Variants in SLC6A11 observed in about 807,000 individuals in gnomAD.
SLC6A11 encodes the protein solute carrier family 6 member 11.
Under a neutral mutation model 74.8 loss-of-function variants are expected in SLC6A11, and 25 were observed. The observed-to-expected ratio is 0.33, with a 90% CI of 0.24 to 0.47. SLC6A11 has a LOEUF of 0.47. SLC6A11 is among the 20% of genes least tolerant of loss of function. SLC6A11 has a pLI of 1.00. For missense variants in SLC6A11, 574 were observed against 837.0 expected, an observed-to-expected ratio of 0.69 and a Z score of 3.88; for synonymous variants, 330 against 330.2, an observed-to-expected ratio of 1.00 and a Z score of 0.01.
chr3:10,848,082 T>C (rs922845984), intron 5 of SLC6A11, among the ~76,000 whole-genome samples: 21 of 152,296 alleles, frequency 1.4e-4, no homozygotes, highest in African/African-American at 5.1e-4. Context: ...TAATAAATGT[T>C]CGTTAATTCA....
chr3:10,847,324 T>A (rs187913085), intron 5 of SLC6A11, among the ~76,000 whole-genome samples: 2 of 152,314 alleles, frequency 1.3e-5, no homozygotes, highest in East Asian at 3.9e-4. Flanking sequence ...AGGTATTTAA[T>A]GAGATAGCAC....
chr3:10,869,353 G>C (rs1319172657), intron 5 of SLC6A11, among the ~76,000 whole-genome samples: 2 of 152,200 alleles, frequency 1.3e-5, no homozygotes, highest in Non-Finnish European at 2.9e-5. Context: ...GGCTTCTGTA[G>C]CGAGACAGAC....
At chr3:10,938,149 C>T (rs1695780075) in intron 13 of SLC6A11, 101 bp from the exon 14 acceptor site, 1 of 1,190,456 alleles carries the variant, frequency 8.4e-7, no homozygotes, top group Middle Eastern at 2.9e-4. Context: ...TGAGAATTCT[C>T]CAGCACCCAG....
intron 5 of SLC6A11, among the ~76,000 whole-genome samples, chr3:10,852,334 GCACTTCTCACAC>G (rs1300782789): frequency 6.6e-6 from 1 of 152,260 alleles, no homozygotes; most frequent in Non-Finnish European, 1.5e-5. Context: ...GCCGTTGGGA[GCACTTCTCACAC>G]CACTGTGGTT....
At chr3:10,854,434 C>A (rs1694614046) in intron 5 of SLC6A11, among the ~76,000 whole-genome samples, 1 of 152,190 alleles carries the variant, frequency 6.6e-6, no homozygotes, top group South Asian at 2.1e-4. Flanking sequence ...ATTGTCTCCT[C>A]CAATCCCACC....
chr3:10,906,915 T>A (rs1695309861), intron 6 of SLC6A11, among the ~76,000 whole-genome samples: 1 of 152,208 alleles, frequency 6.6e-6, no homozygotes, highest in African/African-American at 2.4e-5. Context: ...TGGACCACTC[T>A]CATTCCTCTA....
chr3:10,900,891 G>C (rs1695231944), intron 6 of SLC6A11, among the ~76,000 whole-genome samples: 1 of 152,114 alleles, frequency 6.6e-6, no homozygotes, highest in South Asian at 2.1e-4. Context: ...GTGGCTCCTA[G>C]CCAGGACTAG....
rs111757141 is a variant in SLC6A11, at chr3:10,828,561, C to T, written c.623+5169C>T. Among the ~76,000 whole-genome samples the T allele has an allele frequency of 3.3e-5, 5 of 152,334 alleles. 1 individual carries two copies. The highest frequency in any genetic ancestry group is 1.2e-4 in the African/African-American group (5 of 41,574). ...ATCTTCCCCTCTGCACATTACCCTC[C>T]TCCACACTGGCCTTCTTTCTGTTCT... On this transcript the variant is annotated intron_variant, in intron 4 of 13. Coordinates refer to ENST00000254488, the MANE Select transcript of SLC6A11 (RefSeq NM_014229.3).
intron 5 of SLC6A11, among the ~76,000 whole-genome samples, chr3:10,866,848 G>A (rs942539922): frequency 1.3e-5 from 2 of 152,194 alleles, no homozygotes; most frequent in Admixed American, 6.5e-5. Flanking sequence ...GAGGCCACAT[G>A]TGTCCAGGGT....
intron 6 of SLC6A11, among the ~76,000 whole-genome samples, chr3:10,905,868 A>G (rs1297263720): frequency 6.6e-6 from 1 of 152,232 alleles, no homozygotes; most frequent in South Asian, 2.1e-4. Context: ...GCTGATCTCA[A>G]CATTGGTTTT....
intron 5 of SLC6A11, among the ~76,000 whole-genome samples, chr3:10,856,211 T>C (rs1694636924): frequency 6.6e-6 from 1 of 152,224 alleles, no homozygotes; most frequent in Non-Finnish European, 1.5e-5. Context: ...AAAGGATTGA[T>C]AGAAATTGTG....
Position 10,913,760 on chromosome 3 carries a change from C to T in SLC6A11, c.995+1567C>T, listed in dbSNP as rs368558962. On this transcript the variant is annotated intron_variant, in intron 7 of 13. Coordinates refer to ENST00000254488, the MANE Select transcript of SLC6A11 (RefSeq NM_014229.3). ...CCAGGCTGGACTGCAGTGGCACGAT[C>T]TCGGCTCACTACAAGCTCTGCCTCC... Among the ~76,000 whole-genome samples, 746 of 152,334 alleles carry T rather than the reference C, an allele frequency of 4.9e-3. 3 individuals carry two copies. Among genetic ancestry groups the T allele is most frequent in the African/African-American group, 0.017 (711 of 41,588 alleles).
Position 10,918,592 on chromosome 3 carries a change from C to G in SLC6A11, c.1120+139C>G. Reference sequence around the variant, plus strand: ...AGAAAGGGGCCCCACCATTCATCCACAATCCAGGATCCTGGGAATTACCTA... The same window carrying G: ...AGAAAGGGGCCCCACCATTCATCCAGAATCCAGGATCCTGGGAATTACCTA... On this transcript the variant is annotated intron_variant, in intron 8 of 13. Coordinates refer to ENST00000254488, the MANE Select transcript of SLC6A11 (RefSeq NM_014229.3). The surrounding 1 kb of genome is among the most constrained non-coding windows in gnomAD (Gnocchi z 4.5). 1.1e-6 allele frequency: 1 copy of G among 896,102 alleles called. No individual in the cohort carries two copies. Among genetic ancestry groups the G allele is most frequent in the East Asian group, 3.2e-5 (1 of 31,060 alleles). 55.5% of individuals were successfully genotyped at this position (896,102 alleles called of 1,614,324 possible). A position where few individuals can be genotyped will look rare whatever the true frequency, so the allele number is the denominator to read the frequency against.
chr3:10,874,201 A>G (rs1210864462), intron 5 of SLC6A11, among the ~76,000 whole-genome samples: 1 of 152,246 alleles, frequency 6.6e-6, no homozygotes, highest in East Asian at 1.9e-4. Context: ...AAAGAATACA[A>G]TAGAAAATAT....
At position 10,918,750 on chromosome 3, in the gene SLC6A11, AC is replaced by A. The variant is rs1224360928; in HGVS notation, c.1120+299del. Among the ~76,000 whole-genome samples the A allele has an allele frequency of 2.0e-5, 3 of 151,744 alleles. No homozygotes were observed. The East Asian group carries it at 5.8e-4, about 29-fold the overall frequency. ...CTAGCCCGGACCACCATCACTGCTCACCTGGATGGCTCAGAAACCTTTCCCT... is the reference window on the plus strand; with the variant it reads ...CTAGCCCGGACCACCATCACTGCTCACTGGATGGCTCAGAAACCTTTCCCT... On this transcript the variant is annotated intron_variant, in intron 8 of 13. Coordinates refer to ENST00000254488, the MANE Select transcript of SLC6A11 (RefSeq NM_014229.3). The surrounding 1 kb of genome is among the most constrained non-coding windows in gnomAD (Gnocchi z 4.5).
chr3:10,879,318 C>T (rs1441666311), intron 6 of SLC6A11, among the ~76,000 whole-genome samples: 2 of 152,114 alleles, frequency 1.3e-5, no homozygotes, highest in Non-Finnish European at 2.9e-5. Context: ...AGGATCGCGA[C>T]CCCAAGAGGG....
intron 5 of SLC6A11, among the ~76,000 whole-genome samples, chr3:10,854,954 T>C (rs1205346314): frequency 6.6e-6 from 1 of 151,784 alleles, no homozygotes; most frequent in Non-Finnish European, 1.5e-5. Flanking sequence ...CGTGAGTAGA[T>C]GTATGGATGG....
In SLC6A11 at chr3:10,938,134, T is replaced by C. The variant is rs923911565; in HGVS notation, c.1747-116T>C. The C allele has an allele frequency of 4.2e-5, 42 of 1,009,428 alleles. No homozygotes were observed. In the Admixed American group the frequency reaches 5.0e-4, roughly 12 times the overall value. 62.5% of individuals were successfully genotyped at this position (1,009,428 alleles called of 1,614,324 possible). A position where few individuals can be genotyped will look rare whatever the true frequency, so the allele number is the denominator to read the frequency against. Reference sequence around the variant, plus strand: ...AGGGGCCAAGCTGGGGCCCGGACCTTGGTCTGAGAATTCTCCAGCACCCAG... The same window carrying C: ...AGGGGCCAAGCTGGGGCCCGGACCTCGGTCTGAGAATTCTCCAGCACCCAG... On this transcript the variant is annotated intron_variant, in intron 13 of 13. Coordinates refer to ENST00000254488, the MANE Select transcript of SLC6A11 (RefSeq NM_014229.3).
chr3:10,882,898 A>C (rs532967854), intron 6 of SLC6A11, among the ~76,000 whole-genome samples: 2 of 152,282 alleles, frequency 1.3e-5, no homozygotes, highest in South Asian at 2.1e-4. Context: ...AAGTGTGCAC[A>C]TGAGGCCCAG....
Sources: gnomAD v4.1 joint callset for allele counts (sites outside exome capture counted in the v4.1 genomes callset) on GRCh38, gnomAD v4.1.1 for gene constraint, Gnocchi (gnomAD v3.1) non-coding constraint, MANE v1.5 for transcripts, NCBI Gene and HGNC (gene_info 2026-07-23, HGNC 2026-07-21) for gene names.